Variants in ARFGEF1 observed in about 807,000 individuals in gnomAD.
ARFGEF1 encodes brefeldin A-inhibited guanine nucleotide-exchange protein 1.
Under a neutral mutation model 231.0 loss-of-function variants are expected in ARFGEF1, and 42 were observed. The observed-to-expected ratio is 0.18, with a 90% CI of 0.14 to 0.24. The LOEUF (loss-of-function observed/expected upper bound fraction) is 0.24, where lower values mean the gene tolerates loss of function less well. ARFGEF1 is among the 10% of genes least tolerant of loss of function. The pLI is 1.00. For synonymous variants in ARFGEF1, 710 were observed against 732.3 expected, an observed-to-expected ratio of 0.97 and a Z score of 0.49; for missense variants, 1,345 against 2,192.0, an observed-to-expected ratio of 0.61 and a Z score of 7.72.
At chr8:67,339,798 G>GGGGGGGGT (rs1554652775) in intron 1 of ARFGEF1, among the ~76,000 whole-genome samples, 1 of 81,244 alleles carries the variant, frequency 1.2e-5, no homozygotes, top group African/African-American at 4.4e-5. Flanking sequence ...TGTGGGGCGG[G>GGGGGGGGT]GGGGGGGATT....
intron 23 of ARFGEF1, among the ~76,000 whole-genome samples, chr8:67,228,954 C>T (rs879580061): frequency 1.3e-5 from 2 of 151,952 alleles, no homozygotes; most frequent in East Asian, 3.8e-4. Context: ...AAGAGTTTGA[C>T]GTCACTTTCA....
intron 5 of ARFGEF1, among the ~76,000 whole-genome samples, chr8:67,185,731 AGAT>A (rs1834386009): frequency 6.6e-6 from 1 of 152,026 alleles, no homozygotes; most frequent in Non-Finnish European, 1.5e-5. Flanking sequence ...CTGCTGCTGA[AGAT>A]GATGAAGATG....
chr8:67,227,485 A>G lies in ARFGEF1; in HGVS notation c.3705T>C (p.Asp1235=), dbSNP rs1387776571. ...GELANFRFQK[D]FLRPFEHIMK... is the part of the protein sequence containing the mutation. ...TTATATGTTCAAAAGGTCTTAAGAA[A>G]TCCTTCTGGAATCTGAAGTTAGCAA... The change falls in exon 26 of 39, where the codon GAT becomes GAC. Residue 1235 remains aspartate, a synonymous_variant. Transcript: ENST00000262215. 2 of 1,613,050 alleles carry G rather than the reference A, an allele frequency of 1.2e-6. No individual in the cohort carries two copies. Among genetic ancestry groups the G allele is most frequent in the East Asian group, 4.5e-5 (2 of 44,836 alleles).
intron 22 of ARFGEF1, among the ~76,000 whole-genome samples, chr8:67,234,475 A>G (rs192349476): frequency 1.3e-5 from 2 of 152,306 alleles, no homozygotes; most frequent in Admixed American, 1.3e-4. Flanking sequence ...AGGAAGGAGA[A>G]AGAAAAGCAA....
chr8:67,200,267 CA>C, intron 38 of ARFGEF1, 128 bp downstream of exon 38: 1 of 748,106 alleles, frequency 1.3e-6, no homozygotes, highest in East Asian at 2.6e-5. Flanking sequence ...TGGCTTTGCA[CA>C]AGCAGCAGTG....
intron 23 of ARFGEF1, among the ~76,000 whole-genome samples, chr8:67,231,583 T>G (rs1839555563): frequency 6.6e-6 from 1 of 152,064 alleles, no homozygotes; most frequent in East Asian, 1.9e-4. Flanking sequence ...CATGCCTGAA[T>G]AGATTCTCAA....
In ARFGEF1 at chr8:67,257,813, T is replaced by C; in HGVS notation, c.2445A>G (p.Gln815=). 1 of 1,600,382 alleles carries C rather than the reference T, an allele frequency of 6.2e-7. No homozygotes were observed. The highest frequency in any genetic ancestry group is 8.5e-7 in the Non-Finnish European group (1 of 1,176,214). ...AARYLECNQG[Q]TLFASADTAY... ...CTGTATCCGCACTAGCAAAGAGAGTTTGTCTGGAAAAATAAATGTATCATG... is the reference window on the plus strand; with the variant it reads ...CTGTATCCGCACTAGCAAAGAGAGTCTGTCTGGAAAAATAAATGTATCATG... The change falls in exon 17 of 39, where the codon CAA becomes CAG. Residue 815 remains glutamine, a synonymous_variant. Coordinates refer to ENST00000262215, the MANE Select transcript of ARFGEF1 (RefSeq NM_006421.5).
At chr8:67,325,928 A>G (rs1437660280) in intron 1 of ARFGEF1, among the ~76,000 whole-genome samples, 1 of 152,198 alleles carries the variant, frequency 6.6e-6, no homozygotes, top group African/African-American at 2.4e-5. Context: ...CATGCCTGTA[A>G]TCCCACCACT....
rs372985099 is a variant in ARFGEF1, at chr8:67,238,875, C to T, written c.2998G>A (p.Val1000Ile). ...FSIQLERDAYVQALARFTLLT... is the reference protein window; with the variant it reads ...FSIQLERDAYIQALARFTLLT... ...AAGGTAAATCTTGCTAGTGCCTGGA[C>T]ATATGCATCTCTCTCCAGCTATAAA... The change falls in exon 21 of 39, where the codon GTC becomes ATC. Residue 1000 changes from valine (V) to isoleucine (I), a missense_variant. Transcript: ENST00000262215. 2 of 1,613,206 alleles carry T rather than the reference C, an allele frequency of 1.2e-6. No homozygotes were observed. Among genetic ancestry groups the T allele is most frequent in the African/African-American group, 2.7e-5 (2 of 74,808 alleles).
chr8:67,221,824 T>TC (rs914449551), intron 29 of ARFGEF1, among the ~76,000 whole-genome samples: 5 of 151,346 alleles, frequency 3.3e-5, no homozygotes, highest in African/African-American at 1.2e-4. Flanking sequence ...TTTCTTTCTT[T>TC]TTTTTTTGAG....
chr8:67,278,618 C>T (rs1174372964), intron 7 of ARFGEF1, among the ~76,000 whole-genome samples: 10 of 152,048 alleles, frequency 6.6e-5, no homozygotes, highest in African/African-American at 2.2e-4. Flanking sequence ...GAGGCCGAGG[C>T]GGGTGGATCA....
intron 6 of ARFGEF1, among the ~76,000 whole-genome samples, chr8:67,291,640 A>C (rs577509159): frequency 6.6e-6 from 1 of 152,286 alleles, no homozygotes; most frequent in South Asian, 2.1e-4. Flanking sequence ...ATGAGATGCT[A>C]ATAAATGCAA....
At position 67,200,477 on chromosome 8, in the gene ARFGEF1, T is replaced by G. The variant is rs1838288322; in HGVS notation, c.5304A>C (p.Leu1768=). ...CSEALSYFLT[L]TSESHREAWT... is the part of the protein sequence containing the mutation. ...AGGCTTCTCGATGACTTTCTGATGT[T>G]AGAGTGAGGAAGTAACTTAGTGCTT... The change falls in exon 38 of 39, where the codon CTA becomes CTC. Residue 1768 remains leucine (L), a synonymous_variant. Coordinates refer to ENST00000262215, the MANE Select transcript of ARFGEF1 (RefSeq NM_006421.5). 1 of 1,606,230 alleles carries G rather than the reference T, an allele frequency of 6.2e-7. No individual in the cohort carries two copies. Among genetic ancestry groups the G allele is most frequent in the Non-Finnish European group, 8.5e-7 (1 of 1,172,802 alleles).
At chr8:67,254,569 T>A (rs537491983) in intron 17 of ARFGEF1, among the ~76,000 whole-genome samples, 4 of 152,262 alleles carry the variant, frequency 2.6e-5, no homozygotes, top group African/African-American at 9.6e-5. Context: ...TATGTGCCCG[T>A]AGTCCCAACT....
chr8:67,267,828 G>A (rs1047298516), intron 10 of ARFGEF1, among the ~76,000 whole-genome samples: 18 of 152,176 alleles, frequency 1.2e-4, no homozygotes, highest in South Asian at 8.3e-4. Context: ...TTTCAGAGAC[G>A]TTCTAGTACT....
Position 67,175,617 on chromosome 8 carries a change from G to GC in ARFGEF1, c.561-46dup, listed in dbSNP as rs1277554537. The GC allele has an allele frequency of 5.5e-6, 4 of 728,400 alleles. No individual in the cohort carries two copies. In the East Asian group the frequency reaches 1.1e-4, roughly 20 times the overall value. 45.1% of individuals were successfully genotyped at this position (728,400 alleles called of 1,614,324 possible). A position where few individuals can be genotyped will look rare whatever the true frequency, so the allele number is the denominator to read the frequency against. On this transcript the variant is annotated intron_variant, in intron 5 of 5. Coordinates refer to the ARFGEF1 transcript ENST00000518789. ...CAAGTATGAGAGAGAGCTCTGAGTG[G>GC]CTCCACTAGGGTGGTGTATTCATGC... is the stretch of plus-strand genomic sequence containing the variant.
At chr8:67,207,271 G>A (rs577357915) in intron 34 of ARFGEF1, 7 of 152,208 alleles carry the variant, frequency 4.6e-5, no homozygotes, top group Non-Finnish European at 8.8e-5. Flanking sequence ...CTTAGCAGTA[G>A]ATGGAGGTCT....
intron 6 of ARFGEF1, among the ~76,000 whole-genome samples, chr8:67,289,290 C>A (rs916304254): frequency 4.6e-5 from 7 of 152,040 alleles, no homozygotes; most frequent in African/African-American, 9.7e-5. Context: ...CAGGGGGGGT[C>A]ACACCTGTAA....
chr8:67,315,410 A>G (rs751604389), intron 1 of ARFGEF1, among the ~76,000 whole-genome samples: 1 of 152,194 alleles, frequency 6.6e-6, no homozygotes, highest in Non-Finnish European at 1.5e-5. Flanking sequence ...CAGGGTATAA[A>G]TTTATAGAAT....
Sources: allele counts gnomAD v4.1 joint callset (sites outside exome capture counted in the v4.1 genomes callset), GRCh38; gene constraint gnomAD v4.1.1; transcripts MANE v1.5; gene names NCBI Gene and HGNC (gene_info 2026-07-23, HGNC 2026-07-21).